The following CDC42BPA variants were observed in gnomAD, a reference collection of about 807,000 sequenced individuals.
CDC42BPA encodes serine/threonine-protein kinase MRCK alpha.
CDC42BPA carries 80 observed loss-of-function variants against 223.5 expected under a neutral mutation model. The observed-to-expected ratio is 0.36, with a 90% CI of 0.30 to 0.43. The LOEUF (loss-of-function observed/expected upper bound fraction) is 0.43. Ranked by LOEUF, CDC42BPA falls within the 20% of genes least tolerant of loss-of-function variation. The pLI is 1.00. For synonymous variants in CDC42BPA, 694 were observed against 718.6 expected, an observed-to-expected ratio of 0.97 and a Z score of 0.55; for missense variants, 1,743 against 2,099.9, an observed-to-expected ratio of 0.83 and a Z score of 3.32.
intron 27 of CDC42BPA, among the ~76,000 whole-genome samples, chr1:227,031,906 A>T (rs927995844): frequency 6.6e-6 from 1 of 152,190 alleles, no homozygotes; most frequent in African/African-American, 2.4e-5. Flanking sequence ...ATGATTTAGG[A>T]TGTACTGTCA....
rs1380367470 is a variant in CDC42BPA at position 227,112,825 on chromosome 1, A to C, written c.1736T>G (p.Phe579Cys). 5 of 1,613,898 alleles carry C rather than the reference A, an allele frequency of 3.1e-6. No individual in the cohort carries two copies. In the African/African-American group the frequency reaches 5.3e-5, roughly 17 times the overall value. The change falls in exon 13 of 37, where the codon TTC (phenylalanine) becomes TGC (cysteine). Residue 579 changes from phenylalanine to cysteine, a missense_variant. Coordinates refer to ENST00000366766, the MANE Select transcript of CDC42BPA (RefSeq NM_001394014.1). ...HCQRKLAMQE[F>C]MEINERLTEL... Reference sequence around the variant, plus strand: ...TGTTAGCCGCTCATTGATCTCCATGAATTCCTGCATGGCCAGTTTCCTCTG... The same window carrying C: ...TGTTAGCCGCTCATTGATCTCCATGCATTCCTGCATGGCCAGTTTCCTCTG...
At chr1:227,198,938 C>T (rs930079559) in intron 4 of CDC42BPA, among the ~76,000 whole-genome samples, 5 of 151,940 alleles carry the variant, frequency 3.3e-5, no homozygotes, top group African/African-American at 9.7e-5. Flanking sequence ...TTAGTAGAGA[C>T]GGGGTTTCAC....
At chr1:227,144,038 C>T (rs892325943) in intron 8 of CDC42BPA, among the ~76,000 whole-genome samples, 1 of 152,074 alleles carries the variant, frequency 6.6e-6, no homozygotes, top group African/African-American at 2.4e-5. Context: ...TTTTTATCTG[C>T]CTTGAATACA....
intron 21 of CDC42BPA, among the ~76,000 whole-genome samples, chr1:227,064,724 T>C (rs1344527116): frequency 6.8e-6 from 1 of 147,562 alleles, no homozygotes; most frequent in Non-Finnish European, 1.5e-5. Context: ...ATCTCTGTTC[T>C]ACTGCTTTCT....
At chr1:227,066,679 C>T (rs4653784) in intron 21 of CDC42BPA, among the ~76,000 whole-genome samples, 43,091 of 151,786 alleles carry the variant, frequency 0.28, 6,322 homozygotes, top group African/African-American at 0.35. Context: ...GCTAAGAAAG[C>T]ATTTAAGTGA....
At chr1:227,131,685 T>C (rs887331035) in intron 10 of CDC42BPA, among the ~76,000 whole-genome samples, 2 of 152,180 alleles carry the variant, frequency 1.3e-5, no homozygotes, top group African/African-American at 4.8e-5. Flanking sequence ...AAAGTTTACA[T>C]CTGAAAGTTG....
chr1:227,131,693 T>C lies in CDC42BPA; in HGVS notation c.1391-2462A>G, dbSNP rs193177016. Among the ~76,000 whole-genome samples, 17 of 152,252 alleles carry C rather than the reference T, an allele frequency of 1.1e-4. No homozygotes were observed. The East Asian group carries it at 1.5e-3, about 14-fold the overall frequency. ...ACCTTCCAAAGTTTACATCTGAAAG[T>C]TGAGGCTTACAATATTGTGGAATCA... On this transcript the variant is annotated intron_variant, in intron 10 of 36. Coordinates refer to ENST00000366766, the MANE Select transcript of CDC42BPA (RefSeq NM_001394014.1).
chr1:227,155,522 C>A (rs1662584517), intron 6 of CDC42BPA, among the ~76,000 whole-genome samples: 1 of 151,944 alleles, frequency 6.6e-6, no homozygotes, highest in African/African-American at 2.4e-5. Context: ...TAGGATAGTA[C>A]CTATGCAGTA....
intron 5 of CDC42BPA, among the ~76,000 whole-genome samples, chr1:227,170,454 CAA>C (rs34397130): frequency 3.9e-5 from 4 of 101,644 alleles, no homozygotes; most frequent in Admixed American, 3.0e-4. Flanking sequence ...GACTCATGAG[CAA>C]AAAAAAAAAA....
rs185938471 is a variant in CDC42BPA, at chr1:227,257,887, G to A, written c.179-3732C>T. On this transcript the variant is annotated intron_variant, in intron 1 of 36. Transcript: ENST00000366766. Reference sequence around the variant, plus strand: ...ATACAGACCTACTAGAACTAAAAATGGGGCCGGGTGTGGTGGTTCACGCCT... The same window carrying A: ...ATACAGACCTACTAGAACTAAAAATAGGGCCGGGTGTGGTGGTTCACGCCT... Among the ~76,000 whole-genome samples the A allele has an allele frequency of 3.0e-3, 456 of 151,136 alleles. 4 individuals are homozygous for A. The highest frequency in any genetic ancestry group is 4.2e-3 in the Non-Finnish European group (283 of 67,992).
chr1:227,209,615 CA>C (rs1371720927), intron 3 of CDC42BPA, among the ~76,000 whole-genome samples: 1 of 146,998 alleles, frequency 6.8e-6, no homozygotes. Flanking sequence ...TTGAGATAAT[CA>C]TGTGGTTTTT....
intron 5 of CDC42BPA, among the ~76,000 whole-genome samples, chr1:227,170,186 T>A (rs1372245398): frequency 6.6e-6 from 1 of 152,134 alleles, no homozygotes; most frequent in Non-Finnish European, 1.5e-5. Flanking sequence ...CATGCAATTC[T>A]GCTTTGTTCT....
intron 21 of CDC42BPA, among the ~76,000 whole-genome samples, chr1:227,060,791 G>A (rs778664795): frequency 4.4e-5 from 6 of 137,508 alleles, no homozygotes; most frequent in African/African-American, 1.4e-4. Context: ...GTGCGATCTC[G>A]GCTCACTGCA....
intron 1 of CDC42BPA, among the ~76,000 whole-genome samples, chr1:227,305,460 C>G (rs1692374392): frequency 6.6e-6 from 1 of 152,128 alleles, no homozygotes. Context: ...GTCTTCATTT[C>G]TTGTTGTTTA....
At chr1:227,262,446 A>G (rs1481980382) in intron 1 of CDC42BPA, among the ~76,000 whole-genome samples, 1 of 151,486 alleles carries the variant, frequency 6.6e-6, no homozygotes, top group Non-Finnish European at 1.5e-5. Flanking sequence ...TCCTCCAAGA[A>G]TAGTTTAAGG....
rs573416429 is a variant in CDC42BPA, at chr1:227,203,372, C to T, written c.355-3720G>A. ...ACTGCTAAATATTCTACAATGCACACGACAACCCCTCCAACAAAGCATTAT... is the reference window on the plus strand; with the variant it reads ...ACTGCTAAATATTCTACAATGCACATGACAACCCCTCCAACAAAGCATTAT... On this transcript the variant is annotated intron_variant, in intron 3 of 36. Coordinates refer to ENST00000366766, the MANE Select transcript of CDC42BPA (RefSeq NM_001394014.1). 6.6e-5 allele frequency among the ~76,000 whole-genome samples: 10 copies of T among 152,190 alleles called. No homozygotes were observed. In the East Asian group the frequency reaches 9.7e-4, roughly 15 times the overall value.
chr1:227,125,695 T>G (rs909099257), intron 11 of CDC42BPA, among the ~76,000 whole-genome samples: 1 of 151,132 alleles, frequency 6.6e-6, no homozygotes, highest in African/African-American at 2.4e-5. Flanking sequence ...ACATTGTCAG[T>G]AGAAACCACA....
At chr1:227,158,729 G>C (rs1321236891) in intron 6 of CDC42BPA, among the ~76,000 whole-genome samples, 1 of 152,130 alleles carries the variant, frequency 6.6e-6, no homozygotes, top group Non-Finnish European at 1.5e-5. Flanking sequence ...TTCCTGCCTG[G>C]GAGATCTGCT....
chr1:227,312,976 C>G (rs1693784578), intron 1 of CDC42BPA, among the ~76,000 whole-genome samples: 1 of 152,170 alleles, frequency 6.6e-6, no homozygotes, highest in African/African-American at 2.4e-5. Context: ...GCCTGCGGAA[C>G]TGTGAGCCAA....
Sources: gnomAD v4.1 joint callset for allele counts (sites outside exome capture counted in the v4.1 genomes callset) on GRCh38, gnomAD v4.1.1 for gene constraint, MANE v1.5 for transcripts, NCBI Gene and HGNC (gene_info 2026-07-23, HGNC 2026-07-21) for gene names.